VRK2: variants seen among roughly 807,000 people sequenced by gnomAD.
VRK2 encodes the protein VRK serine/threonine kinase 2.
VRK2 carries 60 observed loss-of-function variants against 57.6 expected under a neutral mutation model. That is an observed-to-expected ratio of 1.04 (90% confidence interval 0.85 to 1.29). The LOEUF is 1.29. VRK2 is among the 50% of genes most tolerant of loss of function. VRK2 has a pLI of 0.00. For missense variants in VRK2, 705 were observed against 588.1 expected (o/e 1.20, Z -2.06); for synonymous variants, 231 against 199.2 (o/e 1.16, Z -1.35).
chr2:58,039,555 C>T (rs1674380058), intron 3 of VRK2, among the ~76,000 whole-genome samples: 2 of 152,042 alleles, frequency 1.3e-5, no homozygotes, highest in African/African-American at 2.4e-5. Context: ...CCTTGTCTTT[C>T]CCCAACTCAT....
chr2:58,027,623 A>G (rs72949141), intron 2 of VRK2, among the ~76,000 whole-genome samples: 3,098 of 152,252 alleles, frequency 0.02, 123 homozygotes, highest in African/African-American at 0.071. Context: ...AAGTTAGTCA[A>G]CTATATAAAT....
intron 7 of VRK2, among the ~76,000 whole-genome samples, chr2:58,094,747 T>A (rs1039468383): frequency 1.3e-5 from 2 of 152,210 alleles, no homozygotes; most frequent in African/African-American, 4.8e-5. Context: ...GCTTCAGTAA[T>A]ATTAGTTGTT....
At chr2:58,159,116 T>C (rs1684591939) in intron 12 of VRK2, 1 of 362,610 alleles carries the variant, frequency 2.8e-6, no homozygotes, top group Non-Finnish European at 4.9e-6. Context: ...CCTACTGACG[T>C]GGTTTAAAAG....
intron 1 of VRK2, among the ~76,000 whole-genome samples, chr2:57,966,686 C>T (rs1373680700): frequency 1.3e-5 from 2 of 148,888 alleles, no homozygotes; most frequent in African/African-American, 5.0e-5. Context: ...TTGAATAATT[C>T]TGGAAACTTA....
chr2:57,958,470 T>TACACACACACACAC (rs971956378), intron 1 of VRK2, among the ~76,000 whole-genome samples: 1 of 151,432 alleles, frequency 6.6e-6, no homozygotes, highest in African/African-American at 2.4e-5. Context: ...CATGTATATA[T>TACACACACACACAC]ACACACACAC....
upstream of VRK2, among the ~76,000 whole-genome samples, chr2:58,045,070 G>C (rs547975717): frequency 2.0e-5 from 3 of 152,222 alleles, no homozygotes; most frequent in African/African-American, 4.8e-5. Context: ...TCATAGCGAA[G>C]ACTGGCTAAT....
chr2:57,911,338 A>C (rs1371854818), intron 1 of VRK2, among the ~76,000 whole-genome samples: 1 of 152,168 alleles, frequency 6.6e-6, no homozygotes, highest in African/African-American at 2.4e-5. Context: ...TCCATGGTTA[A>C]ATACATTTGG....
chr2:58,032,450 C>T (rs1207056834), intron 2 of VRK2, among the ~76,000 whole-genome samples: 1 of 151,942 alleles, frequency 6.6e-6, no homozygotes, highest in Non-Finnish European at 1.5e-5. Context: ...GGAAGTGAGC[C>T]CTCTGTGTTC....
chr2:57,911,659 A>G (rs1428212094), intron 1 of VRK2, among the ~76,000 whole-genome samples: 2 of 152,250 alleles, frequency 1.3e-5, no homozygotes, highest in East Asian at 3.8e-4. Flanking sequence ...GCATTAGCAT[A>G]ATTCATGTGC....
intron 1 of VRK2, among the ~76,000 whole-genome samples, chr2:58,022,736 A>G (rs1202111443): frequency 6.6e-6 from 1 of 152,218 alleles, no homozygotes; most frequent in Non-Finnish European, 1.5e-5. Flanking sequence ...TTAGCTAAGC[A>G]TGGTGGCCCT....
intron 3 of VRK2, among the ~76,000 whole-genome samples, chr2:58,039,391 C>G (rs1674374989): frequency 6.6e-6 from 1 of 152,172 alleles, no homozygotes; most frequent in African/African-American, 2.4e-5. Context: ...AAAAAACTTT[C>G]ATATTCCTCT....
At chr2:57,909,163 T>C (rs888193951) in intron 1 of VRK2, among the ~76,000 whole-genome samples, 3 of 152,218 alleles carry the variant, frequency 2.0e-5, no homozygotes, top group Non-Finnish European at 2.9e-5. Flanking sequence ...ATAAGCTCTC[T>C]AACATTTTAT....
intron 1 of VRK2, among the ~76,000 whole-genome samples, chr2:57,958,490 ATATG>A (rs1671657094): frequency 6.6e-6 from 1 of 151,662 alleles, no homozygotes; most frequent in South Asian, 2.1e-4. Context: ...CATATATCAT[ATATG>A]TGTCATATGC....
intron 7 of VRK2, among the ~76,000 whole-genome samples, chr2:58,118,930 G>T (rs906480853): frequency 5.9e-5 from 9 of 152,178 alleles, no homozygotes; most frequent in African/African-American, 2.2e-4. Context: ...TAGCTTCTGA[G>T]CCAGGAGAAG....
rs1030622094 is a variant in VRK2, at chr2:58,041,205, T to C, written c.-5-7622T>C. On this transcript the variant is annotated intron_variant, in intron 3 of 15. Coordinates refer to the VRK2 transcript ENST00000417641. ...ATATTTGGTTTACTACATTCAATTG[T>C]TTGAGAGATAATCTGATACATATTT... The C allele has an allele frequency of 7.2e-5, 21 of 289,820 alleles. 2 individuals are homozygous for C. The Admixed American group carries it at 1.3e-3, about 18-fold the overall frequency. 18.0% of individuals were successfully genotyped at this position (289,820 alleles called of 1,614,324 possible).
intron 3 of VRK2, among the ~76,000 whole-genome samples, chr2:58,041,256 G>A (rs1425119944): frequency 6.6e-6 from 1 of 152,104 alleles, no homozygotes. Flanking sequence ...TTGGCAGCAG[G>A]GTTCTACAAA....
At chr2:58,103,830 A>G (rs1674365916) in intron 7 of VRK2, among the ~76,000 whole-genome samples, 1 of 151,824 alleles carries the variant, frequency 6.6e-6, no homozygotes, top group South Asian at 2.1e-4. Context: ...TGATGACCAT[A>G]GATGCAAAGT....
chr2:58,146,637 G>A (rs529962512), intron 12 of VRK2, among the ~76,000 whole-genome samples, 163 bp downstream of exon 12: 1 of 152,060 alleles, frequency 6.6e-6, no homozygotes, highest in East Asian at 1.9e-4. Context: ...AATTAAAGCG[G>A]CCAGCACCAG....
intron 1 of VRK2, among the ~76,000 whole-genome samples, chr2:57,995,664 G>A (rs561310478): frequency 3.8e-4 from 58 of 152,262 alleles, no homozygotes; most frequent in African/African-American, 1.3e-3. Flanking sequence ...CAGCAAAAGT[G>A]CTTTATGAGT....
Sources: allele counts gnomAD v4.1 joint callset (sites outside exome capture counted in the v4.1 genomes callset), GRCh38; gene constraint gnomAD v4.1.1; transcripts MANE v1.5; gene names NCBI Gene and HGNC (gene_info 2026-07-23, HGNC 2026-07-21).